Variants in PLD3 observed in about 807,000 individuals in gnomAD.
PLD3 encodes 5'-3' exonuclease PLD3.
A neutral mutation model predicts 58.4 loss-of-function variants in PLD3; 31 were observed. That is an observed-to-expected ratio of 0.53 (90% CI 0.40 to 0.72). PLD3 has a LOEUF of 0.72. Among genes scored for constraint, PLD3 ranks in the 30% least tolerant of loss-of-function variants. The pLI, the probability that PLD3 is intolerant of heterozygous loss-of-function variation, is 0.00. For missense variants in PLD3, 595 were observed against 659.8 expected (o/e 0.90, Z 1.08); for synonymous variants, 264 against 273.4 (o/e 0.97, Z 0.34).
rs907684333 is a variant in PLD3 at position 40,369,952 on chromosome 19, C to T, written c.474C>T (p.Gly158=). ...AGCTGCAGACCCTGGCACCAAAGGG[C>T]GTGAACGTCCGCATCGCTGTGAGCA... The part of the protein sequence containing the change: ...LRQLQTLAPK[G]VNVRIAVSKP... Residue 158 remains glycine, a synonymous_variant, in exon 7 of 13, where the codon GGC becomes GGT. Transcript: ENST00000409735. The T allele has an allele frequency of 7.0e-6, 11 of 1,561,766 alleles. No homozygotes were observed. Among genetic ancestry groups the T allele is most frequent in the African/African-American group, 1.4e-5 (1 of 73,660 alleles).
intron 1 of PLD3, among the ~76,000 whole-genome samples, chr19:40,361,866 G>A (rs949147799): frequency 1.3e-5 from 2 of 149,572 alleles, no homozygotes; most frequent in Admixed American, 6.7e-5. Context: ...TTTTTGAGAC[G>A]GAGTTTCCTT....
At chr19:40,367,906 C>T in intron 6 of PLD3, 27 bp downstream of exon 6, 3 of 1,515,582 alleles carry the variant, frequency 2.0e-6, no homozygotes, top group Non-Finnish European at 2.7e-6. Context: ...CCCTGGCCGG[C>T]AGCAGGGGCA....
intron 10 of PLD3, 86 bp downstream of exon 10, chr19:40,374,706 G>A (rs999999374): frequency 1.5e-5 from 22 of 1,475,776 alleles, no homozygotes; most frequent in Non-Finnish European, 1.8e-5. Flanking sequence ...GCTGGTGGGG[G>A]CTCCAGGCAA....
intron 10 of PLD3, among the ~76,000 whole-genome samples, chr19:40,375,085 G>A (rs1032999479): frequency 2.6e-5 from 4 of 151,972 alleles, no homozygotes; most frequent in Non-Finnish European, 4.4e-5. Flanking sequence ...GAACCTGGGA[G>A]GTGAAGGTTG....
rs1410513249 is a variant in PLD3 at position 40,377,970 on chromosome 19, AC to A, written c.1286-13del. On this transcript the variant is annotated splice_polypyrimidine_tract_variant and intron_variant, in intron 12 of 12. Coordinates refer to ENST00000409735, the MANE Select transcript of PLD3 (RefSeq NM_012268.4). ...CCCCCCGAGGGTGCCCTTATGCTCCACCCATTCCTCTCTAGGAACCTCCAAC... is the reference window on the plus strand; with the variant it reads ...CCCCCCGAGGGTGCCCTTATGCTCCACCATTCCTCTCTAGGAACCTCCAAC... 3.1e-6 allele frequency: 5 copies of A among 1,612,256 alleles called. No individual in the cohort carries two copies. Among genetic ancestry groups the A allele is most frequent in the Non-Finnish European group, 4.2e-6 (5 of 1,178,824 alleles).
chr19:40,360,375 G>GC (rs2078750182), intron 1 of PLD3: 1 of 152,088 alleles, frequency 6.6e-6, no homozygotes, highest in Non-Finnish European at 1.5e-5. Flanking sequence ...ACGCACAGCC[G>GC]CCAGGGGATC....
At position 40,378,240 on chromosome 19, in the gene PLD3, T is replaced by C. The variant is rs1303677968; in HGVS notation, c.*67T>C. 2.7e-6 allele frequency: 4 copies of C among 1,470,564 alleles called. No individual in the cohort carries two copies. Among genetic ancestry groups the C allele is most frequent in the Non-Finnish European group, 3.8e-6 (4 of 1,062,846 alleles). 91.1% of individuals were successfully genotyped at this position (1,470,564 alleles called of 1,614,324 possible). A position where few individuals can be genotyped will look rare whatever the true frequency, so the allele number is the denominator to read the frequency against. Reference sequence around the variant, plus strand: ...CGGACCCAGGTGCTCTGGGTCACGGTCCCTGTCCCCGCGCCCCCGCTTCTG... The same window carrying C: ...CGGACCCAGGTGCTCTGGGTCACGGCCCCTGTCCCCGCGCCCCCGCTTCTG... On this transcript the variant is annotated 3_prime_UTR_variant, in exon 13 of 13. Transcript: ENST00000409735.
intron 1 of PLD3, chr19:40,355,790 G>T (rs968749279): frequency 1.3e-5 from 2 of 151,948 alleles, no homozygotes; most frequent in Admixed American, 1.3e-4. Flanking sequence ...GAGTTAGATA[G>T]CCTGGACCTG....
chr19:40,371,972 C>A, intron 9 of PLD3, 99 bp downstream of exon 9: 1 of 977,078 alleles, frequency 1.0e-6, no homozygotes. Flanking sequence ...AGGGCGTATC[C>A]TGACCATCAG....
intron 5 of PLD3, 81 bp from the exon 6 acceptor site, chr19:40,367,615 C>G (rs1249579932): frequency 8.2e-7 from 1 of 1,222,690 alleles, no homozygotes; most frequent in African/African-American, 1.5e-5. Flanking sequence ...TCCAACACAC[C>G]CATGGACGGA....
chr19:40,367,614 C>A, intron 5 of PLD3, 82 bp from the exon 6 acceptor site: 1 of 1,211,528 alleles, frequency 8.3e-7, no homozygotes, highest in Non-Finnish European at 1.2e-6. Context: ...ATCCAACACA[C>A]CCATGGACGG....
chr19:40,353,298 C>T (rs1427739327), intron 1 of PLD3, among the ~76,000 whole-genome samples: 1 of 151,386 alleles, frequency 6.6e-6, no homozygotes, highest in Non-Finnish European at 1.5e-5. Context: ...GGTGTGGTGG[C>T]GGGCACCTGT....
At chr19:40,371,455 C>G in intron 8 of PLD3, 1 of 574,670 alleles carries the variant, frequency 1.7e-6, no homozygotes, top group Non-Finnish European at 3.1e-6. Context: ...AGGGTAGAAG[C>G]AACAGCAGAT....
rs745912595 is a variant in PLD3, at chr19:40,374,492, A to T, written c.891A>T (p.Pro297=). 2 of 1,613,720 alleles carry T rather than the reference A, an allele frequency of 1.2e-6. No homozygotes were observed. Among genetic ancestry groups the T allele is most frequent in the South Asian group, 2.2e-5 (2 of 91,054 alleles). The change falls in exon 10 of 13, where the codon CCA becomes CCT. Residue 297 remains proline, a synonymous_variant. Coordinates refer to ENST00000409735, the MANE Select transcript of PLD3 (RefSeq NM_012268.4). ...PALAYLASAP[P]PLCPSGRTPD... ...CCCCTCGCCCTCAGAGTGCGCCCCC[A>T]CCCCTGTGTCCAAGTGGCCGCACTC... is the stretch of plus-strand genomic sequence containing the variant.
intron 11 of PLD3, among the ~76,000 whole-genome samples, chr19:40,377,276 G>A (rs1162814774): frequency 2.2e-5 from 3 of 135,150 alleles, no homozygotes; most frequent in African/African-American, 8.3e-5. Context: ...GGCAGGTAGA[G>A]GGGTCGGGGC....
At chr19:40,352,181 G>A (rs2078534895) in intron 1 of PLD3, among the ~76,000 whole-genome samples, 1 of 152,022 alleles carries the variant, frequency 6.6e-6, no homozygotes. Flanking sequence ...GCTGAGGCAG[G>A]AAAATCGCTT....
At chr19:40,362,396 AG>A (rs929518797) in intron 1 of PLD3, among the ~76,000 whole-genome samples, 4 of 152,176 alleles carry the variant, frequency 2.6e-5, no homozygotes, top group African/African-American at 9.7e-5. Flanking sequence ...TTGTCTTGCC[AG>A]TCTCATCCAA....
intron 8 of PLD3, 99 bp from the exon 9 acceptor site, chr19:40,371,574 T>G (rs73046349): frequency 4.8e-4 from 351 of 734,034 alleles, no homozygotes; most frequent in Non-Finnish European, 7.9e-4. Context: ...GAGGGGGTAC[T>G]GTGGGACAGG....
intron 1 of PLD3, among the ~76,000 whole-genome samples, chr19:40,349,023 C>G (rs1490566035): frequency 1.3e-5 from 2 of 152,018 alleles, no homozygotes; most frequent in Admixed American, 6.6e-5. Context: ...TAAATCCTCA[C>G]AACTCCTCTT....
Sources: allele counts gnomAD v4.1 joint callset (sites outside exome capture counted in the v4.1 genomes callset), GRCh38; gene constraint gnomAD v4.1.1; transcripts MANE v1.5; gene names NCBI Gene and HGNC (gene_info 2026-07-23, HGNC 2026-07-21).